Variants in FHOD3 observed in about 807,000 individuals in gnomAD.
The protein encoded by FHOD3 is formin homology 2 domain containing 3.
In FHOD3, 90 loss-of-function variants were observed where a neutral mutation model predicts 173.0. The observed-to-expected ratio is 0.52, with a 90% CI of 0.44 to 0.62. The LOEUF is 0.62. Among genes scored for constraint, FHOD3 ranks in the 20% least tolerant of loss-of-function variants. The pLI, the probability that FHOD3 is intolerant of heterozygous loss-of-function variation, is 0.00. For synonymous variants in FHOD3, 828 were observed against 823.0 expected, an observed-to-expected ratio of 1.01 and a Z score of -0.10; for missense variants, 1,945 against 2,034.7, an observed-to-expected ratio of 0.96 and a Z score of 0.85.
At chr18:36,611,901 TC>T in intron 8 of FHOD3, 50 bp from the exon 9 acceptor site, 1 of 1,564,842 alleles carries the variant, frequency 6.4e-7, no homozygotes, top group Non-Finnish European at 8.6e-7. Context: ...CCTGAGAGCC[TC>T]AAGGCAGTCT....
At chr18:36,528,480 A>G (rs2056630656) in intron 5 of FHOD3, among the ~76,000 whole-genome samples, 1 of 152,164 alleles carries the variant, frequency 6.6e-6, no homozygotes, top group African/African-American at 2.4e-5. Context: ...TTTCCTATGT[A>G]AAGGGCACCA....
intron 2 of FHOD3, among the ~76,000 whole-genome samples, chr18:36,365,749 G>A (rs1295504090): frequency 6.6e-6 from 1 of 152,140 alleles, no homozygotes; most frequent in Non-Finnish European, 1.5e-5. Flanking sequence ...AGCTGGTGAC[G>A]GCCGGGCTAG....
intron 21 of FHOD3, among the ~76,000 whole-genome samples, chr18:36,741,954 C>G (rs1275741126): frequency 1.3e-5 from 2 of 152,066 alleles, no homozygotes; most frequent in African/African-American, 4.8e-5. Flanking sequence ...GCTGAGGTGA[C>G]TGCTATGACT....
intron 14 of FHOD3, 104 bp downstream of exon 14, chr18:36,658,292 A>T: frequency 1.3e-6 from 1 of 742,018 alleles, no homozygotes; most frequent in Non-Finnish European, 2.2e-6. Context: ...ACATAACATG[A>T]AGTATTTTCC....
chr18:36,750,378 G>A (rs368124513), intron 24 of FHOD3, among the ~76,000 whole-genome samples: 3 of 152,268 alleles, frequency 2.0e-5, no homozygotes, highest in African/African-American at 4.8e-5. Flanking sequence ...AAAGATGCTC[G>A]ACATTAGACC....
intron 10 of FHOD3, among the ~76,000 whole-genome samples, chr18:36,646,958 C>T (rs965006099): frequency 2.6e-5 from 4 of 152,276 alleles, no homozygotes; most frequent in African/African-American, 4.8e-5. Context: ...CTTCTTCGGC[C>T]GGGTGCGGTG....
Position 36,730,678 on chromosome 18 carries a change from C to T in FHOD3, c.3450C>T (p.Ile1150=), listed in dbSNP as rs778956050. Residue 1150 remains isoleucine, a synonymous_variant, in exon 20 of 29, where the codon ATC becomes ATT. Transcript: ENST00000590592. ...CTGCAGATGGAAAAAGGCAAGAGAT[C>T]ATTGTTCTGGATTCCAAGAGGAGTA... ...KTAADGKRQE[I]IVLDSKRSNA... 43 of 1,613,714 alleles carry T rather than the reference C, an allele frequency of 2.7e-5. No individual in the cohort carries two copies. The Middle Eastern group carries it at 6.6e-4, about 25-fold the overall frequency.
At position 36,649,336 on chromosome 18, in the gene FHOD3, A is replaced by G; in HGVS notation, c.1217A>G (p.Glu406Gly). ...LREKEEEEEE[E>G]QPITEPSSEE... Reference sequence around the variant, plus strand: ...CTCAGGGAGGAGGAGGAGGAAGAGGAGCAGCCAATCACGGAGCCCAGTTCC... The same window carrying G: ...CTCAGGGAGGAGGAGGAGGAAGAGGGGCAGCCAATCACGGAGCCCAGTTCC... Residue 406 changes from glutamate to glycine, a missense_variant, in exon 11 of 29, where the codon GAG (glutamate) becomes GGG (glycine). Physicochemically the swap from Glu to Gly is moderately conservative, Grantham distance 98 (BLOSUM62 -2). Transcript: ENST00000590592. 2.6e-6 allele frequency: 4 copies of G among 1,535,746 alleles called. No homozygotes were observed. Among genetic ancestry groups the G allele is most frequent in the Non-Finnish European group, 2.6e-6 (3 of 1,146,724 alleles).
intron 1 of FHOD3, among the ~76,000 whole-genome samples, chr18:36,348,115 A>G (rs1052227851): frequency 6.6e-6 from 1 of 152,326 alleles, no homozygotes; most frequent in African/African-American, 2.4e-5. Flanking sequence ...TGAAAGGGAC[A>G]TGTGGCACTG....
chr18:36,698,010 C>T (rs570621522), intron 17 of FHOD3, among the ~76,000 whole-genome samples: 46 of 152,254 alleles, frequency 3.0e-4, no homozygotes, highest in African/African-American at 1.1e-3. Flanking sequence ...CCAACTGGCA[C>T]GGTAGCAATG....
chr18:36,595,842 A>T (rs987541865), intron 7 of FHOD3, among the ~76,000 whole-genome samples: 2 of 152,202 alleles, frequency 1.3e-5, no homozygotes, highest in African/African-American at 4.8e-5. Flanking sequence ...GGACTCAGGT[A>T]TTATTATCAT....
At chr18:36,460,546 C>T (rs1182705153) in intron 3 of FHOD3, among the ~76,000 whole-genome samples, 2 of 152,130 alleles carry the variant, frequency 1.3e-5, no homozygotes, top group African/African-American at 4.8e-5. Context: ...CTGAAGAGGC[C>T]CCACAAGCTG....
Position 36,780,021 on chromosome 18 carries a change from A to G in FHOD3, c.*491A>G. 3 of 632,442 alleles carry G rather than the reference A, an allele frequency of 4.7e-6. No homozygotes were observed. Among genetic ancestry groups the G allele is most frequent in the Non-Finnish European group, 6.8e-6 (3 of 439,506 alleles). 39.2% of individuals were successfully genotyped at this position (632,442 alleles called of 1,614,324 possible). ...TTATACAAATACATACATGTACACC[A>G]TGTTTCAAATACTAAATAAATAGAG... is the stretch of plus-strand genomic sequence containing the variant. On this transcript the variant is annotated 3_prime_UTR_variant, in exon 29 of 29. Transcript: ENST00000590592.
rs553381265 is a variant in FHOD3, at chr18:36,580,289, C to T, written c.606+3744C>T. Among the ~76,000 whole-genome samples the T allele has an allele frequency of 1.5e-3, 235 of 152,272 alleles. 1 individual carries two copies. The highest frequency in any genetic ancestry group is 2.3e-3 in the Non-Finnish European group (154 of 68,020). On this transcript the variant is annotated intron_variant, in intron 6 of 28. Transcript: ENST00000590592. The stretch of plus-strand genomic sequence containing the variant: ...TCGCCTCCTCCCTAGCCATTTGGGC[C>T]GTCAGCACTGGATCTGTGTGGATTT...
In FHOD3 at chr18:36,667,876, G is replaced by A. The variant is rs564271113; in HGVS notation, c.1835+9688G>A. 1.8e-3 allele frequency among the ~76,000 whole-genome samples: 273 copies of A among 152,244 alleles called. 2 individuals are homozygous for A. The highest frequency in any genetic ancestry group is 3.2e-3 in the Admixed American group (49 of 15,298). On this transcript the variant is annotated intron_variant, in intron 14 of 28. Coordinates refer to ENST00000590592, the MANE Select transcript of FHOD3 (RefSeq NM_001281740.3). ...ATTTTCAGCTTCATTGTAATCTATGGAACCACTATCTTGTAGAACATTGTT... is the reference window on the plus strand; with the variant it reads ...ATTTTCAGCTTCATTGTAATCTATGAAACCACTATCTTGTAGAACATTGTT...
At chr18:36,545,984 C>CA (rs1339581310) in intron 5 of FHOD3, among the ~76,000 whole-genome samples, 1 of 152,204 alleles carries the variant, frequency 6.6e-6, no homozygotes, top group Non-Finnish European at 1.5e-5. Flanking sequence ...GAGAACCCTC[C>CA]ACATGTAATG....
At chr18:36,557,617 T>G (rs2057939405) in intron 5 of FHOD3, among the ~76,000 whole-genome samples, 1 of 152,234 alleles carries the variant, frequency 6.6e-6, no homozygotes, top group Non-Finnish European at 1.5e-5. Context: ...CCAAACTAGT[T>G]TCATAATTTC....
intron 10 of FHOD3, among the ~76,000 whole-genome samples, chr18:36,632,302 T>G (rs75323193): frequency 0.13 from 19,683 of 152,232 alleles, 1,364 homozygotes; most frequent in Non-Finnish European, 0.15. Context: ...TTTTTATTAC[T>G]ACTGAGGCTG....
chr18:36,648,960 G>A (rs547563406), intron 10 of FHOD3, among the ~76,000 whole-genome samples: 19 of 152,316 alleles, frequency 1.2e-4, no homozygotes, highest in Non-Finnish European at 1.9e-4. Context: ...ATTCTGTGTG[G>A]AGGAGAAAAA....
Sources: allele counts gnomAD v4.1 joint callset (sites outside exome capture counted in the v4.1 genomes callset), GRCh38; gene constraint gnomAD v4.1.1; transcripts MANE v1.5; gene names NCBI Gene and HGNC (gene_info 2026-07-23, HGNC 2026-07-21).